EYS: variants seen among roughly 807,000 people sequenced by gnomAD.
EYS encodes EGF-like photoreceptor maintenance factor, also known as protein eyes shut homolog.
EYS carries 250 observed loss-of-function variants against 282.1 expected under a neutral mutation model. The observed-to-expected ratio is 0.89, with a 90% CI of 0.80 to 0.98. The LOEUF is 0.98. Among genes scored for constraint, EYS ranks in the 50% least tolerant of loss-of-function variants. EYS has a pLI of 0.00. For missense variants in EYS, 4,016 were observed against 3,709.0 expected (o/e 1.08, Z -2.15); for synonymous variants, 1,355 against 1,282.9 (o/e 1.06, Z -1.20).
At chr6:63,925,464 C>T (rs1764689091) in intron 35 of EYS, among the ~76,000 whole-genome samples, 2 of 152,168 alleles carry the variant, frequency 1.3e-5, no homozygotes, top group Admixed American at 1.3e-4. Context: ...AGTTGTGGAA[C>T]ATTTTATTTG....
chr6:65,445,235 A>C (rs1768608431), intron 5 of EYS, among the ~76,000 whole-genome samples: 1 of 151,868 alleles, frequency 6.6e-6, no homozygotes, highest in Non-Finnish European at 1.5e-5. Context: ...ATTTCTTATA[A>C]CTTTTTGTAC....
intron 35 of EYS, among the ~76,000 whole-genome samples, chr6:63,880,211 C>T (rs941230825): frequency 6.6e-6 from 1 of 152,060 alleles, no homozygotes; most frequent in Non-Finnish European, 1.5e-5. Context: ...ACAGACCCAC[C>T]CTTAATCTGG....
At chr6:65,021,959 G>A (rs900209617) in intron 13 of EYS, among the ~76,000 whole-genome samples, 5 of 152,080 alleles carry the variant, frequency 3.3e-5, no homozygotes, top group Non-Finnish European at 5.9e-5. Flanking sequence ...CAGCAGCATG[G>A]GGTAATAATC....
At chr6:65,540,626 T>C (rs959402379) in intron 2 of EYS, among the ~76,000 whole-genome samples, 1 of 152,114 alleles carries the variant, frequency 6.6e-6, no homozygotes, top group African/African-American at 2.4e-5. Context: ...TTTTAAAACT[T>C]AGAGAAAGGT....
intron 30 of EYS, among the ~76,000 whole-genome samples, chr6:64,297,918 C>T (rs2150370571): frequency 6.9e-6 from 1 of 145,282 alleles, no homozygotes; most frequent in South Asian, 2.1e-4. Context: ...GCAGAGGTTG[C>T]AGTGAGCCAA....
At chr6:64,559,871 G>C (rs527413947) in intron 26 of EYS, among the ~76,000 whole-genome samples, 2 of 152,038 alleles carry the variant, frequency 1.3e-5, no homozygotes, top group African/African-American at 4.8e-5. Context: ...ATTAAGCCTA[G>C]TACCCAAGAG....
At chr6:64,886,201 C>T (rs945645298) in intron 19 of EYS, among the ~76,000 whole-genome samples, 12 of 151,784 alleles carry the variant, frequency 7.9e-5, no homozygotes, top group Non-Finnish European at 1.6e-4. Flanking sequence ...TCTATAAGCT[C>T]CCTGATGACT....
chr6:65,051,139 A>C (rs2150154452), intron 13 of EYS, among the ~76,000 whole-genome samples: 1 of 151,744 alleles, frequency 6.6e-6, no homozygotes, highest in Non-Finnish European at 1.5e-5. Context: ...AGAATCAAGC[A>C]ATAATTTATG....
At chr6:65,514,814 A>T (rs948521672) in intron 2 of EYS, among the ~76,000 whole-genome samples, 13 of 152,116 alleles carry the variant, frequency 8.5e-5, no homozygotes, top group Non-Finnish European at 1.6e-4. Context: ...GACTTAAACA[A>T]TAGACCTAAA....
chr6:65,629,689 C>G (rs1766845334), intron 2 of EYS, among the ~76,000 whole-genome samples: 1 of 152,080 alleles, frequency 6.6e-6, no homozygotes, highest in African/African-American at 2.4e-5. Context: ...GAGAAGACGG[C>G]CTTCAGGTTT....
intron 28 of EYS, chr6:64,412,639 C>T (rs575488472): frequency 6.6e-6 from 1 of 152,142 alleles, no homozygotes; most frequent in East Asian, 1.9e-4. Context: ...TCCTGAGGAA[C>T]CTCAAGTGTG....
chr6:65,319,290 G>T (rs1144198), intron 11 of EYS, among the ~76,000 whole-genome samples: 2 of 150,344 alleles, frequency 1.3e-5, no homozygotes, highest in Non-Finnish European at 3.0e-5. Context: ...GGAGGCAGGA[G>T]AATCTCTTTA....
intron 33 of EYS, among the ~76,000 whole-genome samples, chr6:64,025,135 G>C (rs1267509567): frequency 1.3e-5 from 2 of 152,122 alleles, no homozygotes; most frequent in Non-Finnish European, 2.9e-5. Flanking sequence ...CCGGGCACCT[G>C]TCAGCCAGTT....
chr6:64,736,442 A>T (rs1772184117), intron 22 of EYS, among the ~76,000 whole-genome samples: 2 of 152,302 alleles, frequency 1.3e-5, no homozygotes, highest in Middle Eastern at 3.4e-3. Flanking sequence ...TAATTTCTTA[A>T]AACAGTCTTT....
intron 33 of EYS, among the ~76,000 whole-genome samples, chr6:64,004,595 T>C (rs1291758488): frequency 1.3e-5 from 2 of 152,186 alleles, no homozygotes; most frequent in African/African-American, 4.8e-5. Context: ...TCTTTTTGAC[T>C]GTCATCATCC....
In EYS at chr6:64,316,729, A is replaced by T. The variant is rs181721650; in HGVS notation, c.6079-9647T>A. On this transcript the variant is annotated intron_variant, in intron 29 of 42. Coordinates refer to ENST00000503581, the MANE Select transcript of EYS (RefSeq NM_001142800.2). Reference sequence around the variant, plus strand: ...AAAAAACTACTTTAAATTTCATATCAAACCAAAAAAGATCCCACATAGCCT... The same window carrying T: ...AAAAAACTACTTTAAATTTCATATCTAACCAAAAAAGATCCCACATAGCCT... Among the ~76,000 whole-genome samples, 110 of 152,116 alleles carry T rather than the reference A, an allele frequency of 7.2e-4. 1 individual carries two copies. The South Asian group carries it at 0.012, about 16-fold the overall frequency.
chr6:64,255,504 A>G (rs1412009454), intron 30 of EYS, among the ~76,000 whole-genome samples: 1 of 152,114 alleles, frequency 6.6e-6, no homozygotes, highest in Non-Finnish European at 1.5e-5. Flanking sequence ...AAAGTTGTAC[A>G]ATATTATTTT....
At chr6:64,104,443 A>G (rs143179945) in intron 31 of EYS, among the ~76,000 whole-genome samples, 2 of 152,168 alleles carry the variant, frequency 1.3e-5, no homozygotes, top group East Asian at 3.9e-4. Flanking sequence ...GCAAGGATGG[A>G]CCCAAGTGAA....
chr6:65,607,984 AAAGAAT>A (rs1231588484), intron 2 of EYS, among the ~76,000 whole-genome samples: 1 of 152,056 alleles, frequency 6.6e-6, no homozygotes, highest in Non-Finnish European at 1.5e-5. Context: ...TTATCTTGCT[AAAGAAT>A]AAGAATATAT....
Sources: gnomAD v4.1 joint callset for allele counts (sites outside exome capture counted in the v4.1 genomes callset) on GRCh38, gnomAD v4.1.1 for gene constraint, MANE v1.5 for transcripts, NCBI Gene and HGNC (gene_info 2026-07-23, HGNC 2026-07-21) for gene names.